RNF114: variants seen among roughly 807,000 people sequenced by gnomAD.
RNF114 encodes E3 ubiquitin-protein ligase RNF114.
In RNF114, 6 loss-of-function variants were observed where a neutral mutation model predicts 28.4. The ratio of observed to expected loss-of-function variants is 0.21; its 90% CI spans 0.12 to 0.42. The LOEUF (loss-of-function observed/expected upper bound fraction) is 0.42. Ranked by LOEUF, RNF114 falls within the 10% of genes least tolerant of loss-of-function variation. The pLI is 1.00. For missense variants in RNF114, 249 were observed against 311.7 expected (o/e 0.80, Z 1.51); for synonymous variants, 115 against 116.7 (o/e 0.99, Z 0.09).
chr20:49,941,905 G>T lies in RNF114; in HGVS notation c.291+194G>T, dbSNP rs571900038. Reference sequence around the variant, plus strand: ...CTGGTTTTTGTTTCTTTTTTTAAGAGTTGGTTAAGTATATATTTTAGGTTT... The same window carrying T: ...CTGGTTTTTGTTTCTTTTTTTAAGATTTGGTTAAGTATATATTTTAGGTTT... On this transcript the variant is annotated intron_variant, in intron 2 of 5. Transcript: ENST00000244061. 4.8e-3 allele frequency: 2,534 copies of T among 531,890 alleles called. 10 individuals carry two copies. Among genetic ancestry groups the T allele is most frequent in the Non-Finnish European group, 5.7e-3 (1,762 of 310,004 alleles). The allele number at this position is 531,890 out of a possible 1,614,324, so 32.9% of individuals were successfully genotyped here.
intron 1 of RNF114, among the ~76,000 whole-genome samples, chr20:49,936,883 C>T (rs990101026): frequency 1.3e-5 from 2 of 152,144 alleles, no homozygotes; most frequent in African/African-American, 2.4e-5. Flanking sequence ...CGAAGTCCGC[C>T]CTTGGAGAGC....
At chr20:49,943,385 C>T (rs2090315002) in intron 2 of RNF114, among the ~76,000 whole-genome samples, 1 of 152,050 alleles carries the variant, frequency 6.6e-6, no homozygotes, top group African/African-American at 2.4e-5. Flanking sequence ...TGCATGTAGT[C>T]CCAGCTCCTT....
chr20:49,936,621 T>C (rs2090287580), intron 1 of RNF114, 69 bp downstream of exon 1: 3 of 1,533,200 alleles, frequency 2.0e-6, no homozygotes, highest in African/African-American at 2.8e-5. Flanking sequence ...AGGAGCGAGA[T>C]GGGTCTCAGG....
At chr20:49,942,423 A>G (rs772052403) in intron 2 of RNF114, among the ~76,000 whole-genome samples, 15 of 152,358 alleles carry the variant, frequency 9.8e-5, no homozygotes, top group Admixed American at 3.3e-4. Flanking sequence ...AGAGATATAC[A>G]CAGCCTTGTT....
intron 1 of RNF114, among the ~76,000 whole-genome samples, chr20:49,938,635 A>ACGGAGTGGAGCAT (rs2090296200): frequency 1.3e-5 from 2 of 152,224 alleles, no homozygotes; most frequent in African/African-American, 4.8e-5. Context: ...TAGCACTGTG[A>ACGGAGTGGAGCAT]CGGAGTGGAG....
At chr20:49,947,095 C>G (rs1415517547) in intron 4 of RNF114, among the ~76,000 whole-genome samples, 1 of 151,796 alleles carries the variant, frequency 6.6e-6, no homozygotes, top group African/African-American at 2.4e-5. Context: ...TGGCGGGCGC[C>G]TTTAATCCCA....
At chr20:49,946,372 A>G in intron 4 of RNF114, 122 bp downstream of exon 4, 1 of 595,290 alleles carries the variant, frequency 1.7e-6, no homozygotes, top group Non-Finnish European at 2.9e-6. Context: ...CAGATTGTTA[A>G]CATTTTACCA....
intron 1 of RNF114, 96 bp downstream of exon 1, chr20:49,936,648 C>T: frequency 1.4e-6 from 2 of 1,460,584 alleles, no homozygotes; most frequent in South Asian, 2.7e-5. Context: ...GCCAGAGGAC[C>T]CACCCAGAGG....
chr20:49,947,332 T>C (rs193281565), intron 4 of RNF114, among the ~76,000 whole-genome samples: 328 of 151,300 alleles, frequency 2.2e-3, no homozygotes, highest in Non-Finnish European at 3.7e-3. Flanking sequence ...GTATACTTCC[T>C]CTATAGTTTT....
At chr20:49,940,082 A>AAGT (rs2090301863) in intron 1 of RNF114, among the ~76,000 whole-genome samples, 1 of 150,944 alleles carries the variant, frequency 6.6e-6, no homozygotes, top group South Asian at 2.1e-4. Flanking sequence ...AAAAGTAACA[A>AAGT]AACTTTGTTT....
rs2090361640 is a variant in RNF114 at position 49,953,028 on chromosome 20, A to T, written c.*887A>T. 1 of 152,194 alleles carries T rather than the reference A, an allele frequency of 6.6e-6. No individual in the cohort carries two copies. The highest frequency in any genetic ancestry group is 2.4e-5 in the African/African-American group (1 of 41,456). 9.4% of individuals were successfully genotyped at this position (152,194 alleles called of 1,614,324 possible). ...ACAAAAAATCCTCAGATGAATTAGA[A>T]GAAAGAGGTTTGGGGACTCAGCGGA... is the stretch of plus-strand genomic sequence containing the variant. On this transcript the variant is annotated 3_prime_UTR_variant, in exon 6 of 6. Transcript: ENST00000244061.
rs1185822950 is a variant in RNF114 at position 49,952,412 on chromosome 20, G to C, written c.*271G>C. On this transcript the variant is annotated 3_prime_UTR_variant, in exon 6 of 6. Transcript: ENST00000244061. ...TTCTCGGCTACTTCCTGGAGCTTCT[G>C]CCGCCTCCTGTGGAAGATAATCTAG... 27 of 523,178 alleles carry C rather than the reference G, an allele frequency of 5.2e-5. No individual in the cohort carries two copies. In the Admixed American group the frequency reaches 8.7e-4, roughly 17 times the overall value. The allele number at this position is 523,178 out of a possible 1,614,324, so 32.4% of individuals were successfully genotyped here.
Position 49,952,393 on chromosome 20 carries a change from G to T in RNF114, c.*252G>T. On this transcript the variant is annotated 3_prime_UTR_variant, in exon 6 of 6. Transcript: ENST00000244061. Reference sequence around the variant, plus strand: ...ACGGTCGAGTTCGTATTGGTTCTCGGCTACTTCCTGGAGCTTCTGCCGCCT... The same window carrying T: ...ACGGTCGAGTTCGTATTGGTTCTCGTCTACTTCCTGGAGCTTCTGCCGCCT... 1.9e-6 allele frequency: 1 copy of T among 536,564 alleles called. No individual in the cohort carries two copies. The highest frequency in any genetic ancestry group is 4.9e-4 in the Middle Eastern group (1 of 2,034). 33.2% of individuals were successfully genotyped at this position (536,564 alleles called of 1,614,324 possible).
At position 49,945,385 on chromosome 20, in the gene RNF114, T is replaced by C. The variant is rs1343963864; in HGVS notation, c.295T>C (p.Phe99Leu). The change falls in exon 3 of 6, where the codon TTC (phenylalanine) becomes CTC (leucine). Residue 99 changes from phenylalanine (F) to leucine (L), a missense_variant. Coordinates refer to ENST00000244061, the MANE Select transcript of RNF114 (RefSeq NM_018683.4). ...GCTCTGATTCTTCCTATTTGAGTTCTTCCTGTCCAAGATCCGGTCCCACGT... is the reference window on the plus strand; with the variant it reads ...GCTCTGATTCTTCCTATTTGAGTTCCTCCTGTCCAAGATCCGGTCCCACGT... ...TSCHGCRKNF[F>L]LSKIRSHVAT... 6 of 1,607,038 alleles carry C rather than the reference T, an allele frequency of 3.7e-6. No homozygotes were observed.
At chr20:49,944,329 T>A (rs1036116048) in intron 2 of RNF114, 1 of 152,196 alleles carries the variant, frequency 6.6e-6, no homozygotes, top group Non-Finnish European at 1.5e-5. Flanking sequence ...TCAGCCTCCC[T>A]CAGGATTACA....
chr20:49,941,701 G>A lies in RNF114; in HGVS notation c.281G>A (p.Cys94Tyr). Residue 94 changes from cysteine to tyrosine, a missense_variant, in exon 2 of 6, where the codon TGC becomes TAC. By Grantham distance (194) the Cys-to-Tyr change is radical. Coordinates refer to ENST00000244061, the MANE Select transcript of RNF114 (RefSeq NM_018683.4). ...IESTETSCHG[C>Y]RKNFFLSKIR... Reference sequence around the variant, plus strand: ...AGCACAGAGACTTCTTGCCATGGCTGCCGTAAGAATGTATGTGGAAGTGAT... The same window carrying A: ...AGCACAGAGACTTCTTGCCATGGCTACCGTAAGAATGTATGTGGAAGTGAT... 1 of 1,611,124 alleles carries A rather than the reference G, an allele frequency of 6.2e-7. No homozygotes were observed. Among genetic ancestry groups the A allele is most frequent in the Non-Finnish European group, 8.5e-7 (1 of 1,179,442 alleles).
intron 1 of RNF114, 130 bp downstream of exon 1, chr20:49,936,682 G>GT: frequency 8.8e-7 from 1 of 1,139,964 alleles, no homozygotes; most frequent in Non-Finnish European, 1.2e-6. Context: ...TGTCCCCCGG[G>GT]GCTCCTAAGG....
rs1367406476 is a variant in RNF114, at chr20:49,945,290, G to C, written c.292-92G>C. ...TGAGATTATTTGCCAGGGTGGTGTA[G>C]GTCTAGTTTTCTTTGTGCCCTTGTT... is the stretch of plus-strand genomic sequence containing the variant. On this transcript the variant is annotated intron_variant, in intron 2 of 5. Transcript: ENST00000244061. 6 of 733,552 alleles carry C rather than the reference G, an allele frequency of 8.2e-6. No homozygotes were observed. In the African/African-American group the frequency reaches 1.0e-4, roughly 13 times the overall value. The allele number at this position is 733,552 out of a possible 1,614,324, so 45.4% of individuals were successfully genotyped here.
intron 4 of RNF114, among the ~76,000 whole-genome samples, chr20:49,948,045 C>T (rs570204060): frequency 2.0e-5 from 3 of 152,082 alleles, no homozygotes; most frequent in Admixed American, 2.0e-4. Context: ...CCGTCTCGGC[C>T]TCCCAAAGTG....
Sources: gnomAD v4.1 joint callset for allele counts (sites outside exome capture counted in the v4.1 genomes callset) on GRCh38, gnomAD v4.1.1 for gene constraint, MANE v1.5 for transcripts, NCBI Gene and HGNC (gene_info 2026-07-23, HGNC 2026-07-21) for gene names.